Variants in FBXO3 observed in about 807,000 individuals in gnomAD.
The protein encoded by FBXO3 is F-box only protein 3.
FBXO3 carries 17 observed loss-of-function variants against 64.8 expected under a neutral mutation model. The observed-to-expected ratio is 0.26, with a 90% CI of 0.18 to 0.39. The LOEUF (loss-of-function observed/expected upper bound fraction) is 0.39. Ranked by LOEUF, FBXO3 falls within the 10% of genes least tolerant of loss-of-function variation. The pLI is 1.00. For synonymous variants in FBXO3, 182 were observed against 201.6 expected, an observed-to-expected ratio of 0.90 and a Z score of 0.82; for missense variants, 420 against 589.9, an observed-to-expected ratio of 0.71 and a Z score of 2.98.
chr11:33,765,025 C>T (rs1855333558), intron 3 of FBXO3, among the ~76,000 whole-genome samples: 1 of 152,074 alleles, frequency 6.6e-6, no homozygotes, highest in South Asian at 2.1e-4. Flanking sequence ...AAAGAAACTG[C>T]CACAGATCAG....
intron 9 of FBXO3, among the ~76,000 whole-genome samples, chr11:33,748,501 C>G (rs532529625): frequency 6.6e-6 from 1 of 151,800 alleles, no homozygotes; most frequent in African/African-American, 2.4e-5. Context: ...AAAAACATGA[C>G]GAATACAAAA....
chr11:33,747,398 G>A, intron 9 of FBXO3, 78 bp from the exon 10 acceptor site: 1 of 1,163,572 alleles, frequency 8.6e-7, no homozygotes, highest in Non-Finnish European at 1.2e-6. Context: ...TGGTCTCCAT[G>A]GCATTATGTA....
chr11:33,758,578 C>T lies in FBXO3; in HGVS notation c.382G>A (p.Asp128Asn), dbSNP rs545283489. The part of the protein sequence containing the change: ...LKEGAREEDL[D>N]AVEAQIGCKL... ...CAGCCAATCTGCGCTTCCACAGCATCGAGGTCTTCCTCTCGAGCACCCTCT... is the reference window on the plus strand; with the variant it reads ...CAGCCAATCTGCGCTTCCACAGCATTGAGGTCTTCCTCTCGAGCACCCTCT... Residue 128 changes from aspartate (D) to asparagine (N), a missense_variant, in exon 4 of 11, where the codon GAT (aspartate) becomes AAT (asparagine). By Grantham distance (23) the Asp-to-Asn change is conservative. This residue lies in a region of FBXO3 where 337 missense variants were observed against 518.4 expected (regional missense o/e 0.65). Transcript: ENST00000265651. 5.6e-6 allele frequency: 9 copies of T among 1,607,058 alleles called. No individual in the cohort carries two copies. Among genetic ancestry groups the T allele is most frequent in the South Asian group, 3.3e-5 (3 of 90,562 alleles).
Position 33,768,879 on chromosome 11 carries a change from C to T in FBXO3, c.330G>A (p.Arg110=). The change falls in exon 3 of 11, where the codon AGG becomes AGA. Residue 110 remains arginine (R), a synonymous_variant. Coordinates refer to ENST00000265651, the MANE Select transcript of FBXO3 (RefSeq NM_012175.4). The part of the protein sequence containing the change: ...WDDLKKYLEP[R]CPRMVLSLKE... ...TCAGAGATAAAACCATCCGAGGACA[C>T]CTGGGCTCCAAATATTTCTTGAGAT... The T allele has an allele frequency of 6.2e-7, 1 of 1,613,986 alleles. No homozygotes were observed. The highest frequency in any genetic ancestry group is 8.5e-7 in the Non-Finnish European group (1 of 1,179,954).
intron 10 of FBXO3, chr11:33,746,405 T>G (rs1854813430): frequency 2.6e-6 from 1 of 391,676 alleles, no homozygotes; most frequent in East Asian, 3.6e-5. Context: ...CTTTTCAAAC[T>G]GGAGTTGAAA....
chr11:33,746,724 T>C (rs1854821171), intron 10 of FBXO3: 2 of 1,431,368 alleles, frequency 1.4e-6, no homozygotes, highest in Admixed American at 2.6e-5. Context: ...CTGCCAAAAG[T>C]ACACATCCAC....
chr11:33,770,608 T>C lies in FBXO3; in HGVS notation c.194+133A>G. The C allele has an allele frequency of 4.7e-6, 3 of 637,000 alleles. No homozygotes were observed. The South Asian group carries it at 7.2e-5, about 15-fold the overall frequency. The allele number at this position is 637,000 out of a possible 1,614,324, so 39.5% of individuals were successfully genotyped here. On this transcript the variant is annotated intron_variant, in intron 2 of 10. Transcript: ENST00000265651. ...ACAGAACCTTGGCAAATACCAACAT[T>C]TACTAGCAGGCACGAGAAGAGCCAC...
At chr11:33,752,838 A>C (rs897475160) in intron 6 of FBXO3, among the ~76,000 whole-genome samples, 1 of 152,254 alleles carries the variant, frequency 6.6e-6, no homozygotes, top group African/African-American at 2.4e-5. Flanking sequence ...GAAAAAAGTT[A>C]TATAACTAAA....
chr11:33,761,775 T>C (rs1855250285), intron 3 of FBXO3, among the ~76,000 whole-genome samples: 1 of 152,208 alleles, frequency 6.6e-6, no homozygotes, highest in African/African-American at 2.4e-5. Context: ...CCAAGCTCAC[T>C]GGTTGTTGGC....
At position 33,748,840 on chromosome 11, in the gene FBXO3, G is replaced by T. The variant is rs1376507707; in HGVS notation, c.985C>A (p.Arg329Ser). 1 of 1,613,764 alleles carries T rather than the reference G, an allele frequency of 6.2e-7. No individual in the cohort carries two copies. The change falls in exon 9 of 11, where the codon CGC becomes AGC. Residue 329 changes from arginine (R) to serine (S), a missense_variant. By Grantham distance (110) the Arg-to-Ser change is moderately radical. Coordinates refer to ENST00000265651, the MANE Select transcript of FBXO3 (RefSeq NM_012175.4). ...LPEKACQLDS[R>S]YWRITNAKGD... ...TTAGCATTTGTTATTCTCCAATAGCGACTGTCCAACTGACAGGCCTTCTCA... is the reference window on the plus strand; with the variant it reads ...TTAGCATTTGTTATTCTCCAATAGCTACTGTCCAACTGACAGGCCTTCTCA...
chr11:33,760,910 A>G (rs555603722), intron 3 of FBXO3, among the ~76,000 whole-genome samples: 1 of 152,316 alleles, frequency 6.6e-6, no homozygotes, highest in East Asian at 1.9e-4. Flanking sequence ...AAAGATAAAT[A>G]TGAAGGTAAG....
chr11:33,752,791 AAG>A (rs1854995402), intron 6 of FBXO3, among the ~76,000 whole-genome samples: 1 of 87,318 alleles, frequency 1.1e-5, no homozygotes, highest in African/African-American at 2.8e-5. Context: ...CTTTCTCTGA[AAG>A]AGTTTTTAAA....
intron 3 of FBXO3, 199 bp downstream of exon 3, chr11:33,768,652 T>C (rs1264396461): frequency 9.0e-6 from 5 of 553,358 alleles, no homozygotes; most frequent in East Asian, 8.3e-5. Context: ...TAAATAACCA[T>C]GTGGGTCCCA....
chr11:33,757,713 C>T (rs966241121), intron 4 of FBXO3, among the ~76,000 whole-genome samples: 2 of 131,734 alleles, frequency 1.5e-5, no homozygotes, highest in Admixed American at 8.1e-5. Context: ...AATCCCAGCA[C>T]TTTTGGAGGC....
At chr11:33,771,061 C>T (rs2133626732) in intron 1 of FBXO3, 1 of 375,604 alleles carries the variant, frequency 2.7e-6, no homozygotes, top group Admixed American at 3.9e-5. Context: ...ACATCTACAA[C>T]TGTAATTTTT....
At chr11:33,744,652 A>C (rs1385224092) in intron 10 of FBXO3, 1 of 152,216 alleles carries the variant, frequency 6.6e-6, no homozygotes, top group African/African-American at 2.4e-5. Flanking sequence ...TTTATTTCTC[A>C]TCCTTGAGAG....
chr11:33,766,340 T>C (rs1182076471), intron 3 of FBXO3, among the ~76,000 whole-genome samples: 2 of 152,226 alleles, frequency 1.3e-5, no homozygotes, highest in African/African-American at 4.8e-5. Flanking sequence ...GGGCATATTA[T>C]AGCCCACACT....
chr11:33,774,115 C>G, intron 1 of FBXO3: 1 of 371,310 alleles, frequency 2.7e-6, no homozygotes, highest in South Asian at 2.5e-5. Context: ...GGGCCACTAC[C>G]TCCTTCTCTT....
At position 33,774,367 on chromosome 11, in the gene FBXO3, C is replaced by T. The variant is rs201665806; in HGVS notation, c.104+27G>A. The T allele has an allele frequency of 2.5e-4, 384 of 1,559,996 alleles. 3 individuals carry two copies. The African/African-American group carries it at 5.0e-3, about 20-fold the overall frequency. ...ACCGCCTCCTCTCCCCATGCCCCCA[C>T]CCCTGCCATGCGTGTCGTCCCATTA... On this transcript the variant is annotated intron_variant, in intron 1 of 10. Coordinates refer to ENST00000265651, the MANE Select transcript of FBXO3 (RefSeq NM_012175.4).
Sources: allele counts gnomAD v4.1 joint callset (sites outside exome capture counted in the v4.1 genomes callset), GRCh38; gene constraint gnomAD v4.1.1; regional missense constraint gnomAD v4.1.1; transcripts MANE v1.5; gene names NCBI Gene and HGNC (gene_info 2026-07-23, HGNC 2026-07-21).